PLD5: variants seen among roughly 807,000 people sequenced by gnomAD.
PLD5 encodes the protein phospholipase D family member 5.
A neutral mutation model predicts 61.1 loss-of-function variants in PLD5; 36 were observed. That is an observed-to-expected ratio of 0.59 (90% confidence interval 0.45 to 0.78). The LOEUF is 0.78. Among genes scored for constraint, PLD5 ranks in the 30% least tolerant of loss-of-function variants. PLD5 has a pLI of 0.00. For missense variants in PLD5, 515 were observed against 644.4 expected, an observed-to-expected ratio of 0.80 and a Z score of 2.17; for synonymous variants, 243 against 242.8, an observed-to-expected ratio of 1.00 and a Z score of -0.01.
chr1:242,196,521 G>A (rs1479492657), intron 5 of PLD5, among the ~76,000 whole-genome samples: 1 of 151,840 alleles, frequency 6.6e-6, no homozygotes, highest in Non-Finnish European at 1.5e-5. Flanking sequence ...GTTCTATCAT[G>A]GTGTCTTACA....
Position 242,402,152 on chromosome 1 carries a change from A to G in PLD5, c.190-53910T>C, listed in dbSNP as rs139635045. 3.9e-5 allele frequency among the ~76,000 whole-genome samples: 6 copies of G among 152,352 alleles called. No individual in the cohort carries two copies. The East Asian group carries it at 9.6e-4, about 24-fold the overall frequency. ...GAGAGAATGATATGGAATACATTTC[A>G]GGCACAAGGTTAGTCAATTATGTTT... On this transcript the variant is annotated intron_variant, in intron 1 of 9. Transcript: ENST00000536534.
intron 1 of PLD5, among the ~76,000 whole-genome samples, chr1:242,484,185 C>G (rs917688006): frequency 1.3e-5 from 2 of 152,050 alleles, no homozygotes; most frequent in Admixed American, 6.6e-5. Flanking sequence ...CAAAAGCTAG[C>G]AGAAGGCAAG....
chr1:242,317,871 GA>G (rs1658118448), intron 2 of PLD5, among the ~76,000 whole-genome samples: 1 of 152,130 alleles, frequency 6.6e-6, no homozygotes. Flanking sequence ...CTGTCAGCCT[GA>G]CCAGGATGCC....
intron 5 of PLD5, among the ~76,000 whole-genome samples, chr1:242,170,059 T>C (rs895229267): frequency 6.6e-6 from 1 of 152,196 alleles, no homozygotes; most frequent in African/African-American, 2.4e-5. Flanking sequence ...GCAACAGACC[T>C]CTCAGCACAG....
intron 5 of PLD5, among the ~76,000 whole-genome samples, chr1:242,158,064 C>T (rs542301543): frequency 9.2e-5 from 14 of 152,292 alleles, no homozygotes; most frequent in South Asian, 2.1e-4. Context: ...TGGTGGGCTC[C>T]GCCCAGTTCA....
intron 1 of PLD5, among the ~76,000 whole-genome samples, chr1:242,453,878 T>A (rs1288769251): frequency 6.6e-6 from 1 of 152,202 alleles, no homozygotes; most frequent in Non-Finnish European, 1.5e-5. Context: ...CTGTACTACC[T>A]ATGTATTTTT....
chr1:242,478,751 GA>G (rs1667676881), intron 1 of PLD5, among the ~76,000 whole-genome samples: 1 of 152,080 alleles, frequency 6.6e-6, no homozygotes, highest in Non-Finnish European at 1.5e-5. Flanking sequence ...TCCTCCTCGA[GA>G]AACCCACAAA....
chr1:242,453,044 G>A (rs1311061139), intron 1 of PLD5, among the ~76,000 whole-genome samples: 2 of 152,240 alleles, frequency 1.3e-5, no homozygotes, highest in East Asian at 3.8e-4. Flanking sequence ...ACGATTGTCA[G>A]AATGTTTGTG....
At chr1:242,182,934 A>G (rs1667617698) in intron 5 of PLD5, among the ~76,000 whole-genome samples, 1 of 152,244 alleles carries the variant, frequency 6.6e-6, no homozygotes. Flanking sequence ...AGTTCATGTT[A>G]CTGTAACTTA....
intron 1 of PLD5, among the ~76,000 whole-genome samples, chr1:242,391,191 T>C (rs1369951452): frequency 6.6e-6 from 1 of 152,102 alleles, no homozygotes; most frequent in Non-Finnish European, 1.5e-5. Context: ...CGAGACTCCG[T>C]CTCAAAAAAA....
chr1:242,215,038 G>A (rs1175002392), intron 5 of PLD5, among the ~76,000 whole-genome samples: 7 of 107,392 alleles, frequency 6.5e-5, no homozygotes, highest in Admixed American at 1.2e-4. Context: ...CACCGTGCCT[G>A]GCCAATTTTT....
intron 2 of PLD5, among the ~76,000 whole-genome samples, chr1:242,332,025 A>C (rs1478960146): frequency 1.3e-5 from 2 of 152,034 alleles, no homozygotes; most frequent in African/African-American, 4.8e-5. Context: ...TCCTAATGAT[A>C]TCCCTCCCCT....
chr1:242,312,007 T>C (rs891935068), intron 2 of PLD5, among the ~76,000 whole-genome samples: 3 of 151,960 alleles, frequency 2.0e-5, no homozygotes, highest in Non-Finnish European at 4.4e-5. Context: ...GCATCTCTGG[T>C]GAATTTTTGA....
intron 4 of PLD5, among the ~76,000 whole-genome samples, chr1:242,229,453 C>T (rs965065629): frequency 1.3e-5 from 2 of 152,108 alleles, no homozygotes; most frequent in African/African-American, 4.8e-5. Flanking sequence ...AGAACCTCAC[C>T]AAAATGTACT....
intron 1 of PLD5, among the ~76,000 whole-genome samples, chr1:242,448,789 T>G (rs1344896071): frequency 3.9e-5 from 6 of 152,240 alleles, no homozygotes; most frequent in Non-Finnish European, 7.3e-5. Context: ...CAGATCGTTC[T>G]TTCTTTGAAA....
At chr1:242,236,823 C>A (rs1671666487) in intron 4 of PLD5, among the ~76,000 whole-genome samples, 1 of 152,178 alleles carries the variant, frequency 6.6e-6, no homozygotes, top group Non-Finnish European at 1.5e-5. Flanking sequence ...ATTCCTTTTT[C>A]AACTTCAGAA....
intron 1 of PLD5, among the ~76,000 whole-genome samples, chr1:242,427,417 TTG>T (rs1159079274): frequency 3.3e-5 from 5 of 152,210 alleles, no homozygotes; most frequent in African/African-American, 9.6e-5. Context: ...ATCTACATTA[TTG>T]TGTGTCAGAT....
At chr1:242,284,826 A>C (rs1307838856) in intron 3 of PLD5, among the ~76,000 whole-genome samples, 1 of 152,184 alleles carries the variant, frequency 6.6e-6, no homozygotes, top group Non-Finnish European at 1.5e-5. Context: ...TCAGCCTCAC[A>C]GCACCTTTAA....
chr1:242,277,522 G>A (rs1250007126), intron 3 of PLD5, among the ~76,000 whole-genome samples: 1 of 140,154 alleles, frequency 7.1e-6, no homozygotes, highest in African/African-American at 2.6e-5. Flanking sequence ...TCAGAAAAAG[G>A]GGGAAAAGAT....
Sources: allele counts gnomAD v4.1 joint callset (sites outside exome capture counted in the v4.1 genomes callset), GRCh38; gene constraint gnomAD v4.1.1; transcripts MANE v1.5; gene names NCBI Gene and HGNC (gene_info 2026-07-23, HGNC 2026-07-21).